RNF213: variants seen among roughly 807,000 people sequenced by gnomAD.
RNF213 encodes ring finger protein 213, also known as E3 ubiquitin-protein ligase RNF213.
A neutral mutation model predicts 514.4 loss-of-function variants in RNF213; 341 were observed. The observed-to-expected ratio is 0.66, with a 90% CI of 0.61 to 0.73. RNF213 has a LOEUF of 0.73. Among genes scored for constraint, RNF213 ranks in the 30% least tolerant of loss-of-function variants. The pLI is 0.00. For synonymous variants in RNF213, 2,655 were observed against 2,658.2 expected, an observed-to-expected ratio of 1.00 and a Z score of 0.04; for missense variants, 5,767 against 6,615.6, an observed-to-expected ratio of 0.87 and a Z score of 4.45.
At chr17:80,271,084 C>T (rs2043805304) in intron 2 of RNF213, among the ~76,000 whole-genome samples, 1 of 151,794 alleles carries the variant, frequency 6.6e-6, no homozygotes. Flanking sequence ...TTAGGCTAGT[C>T]AGGGCCCGCC....
In RNF213 at chr17:80,264,114, C is replaced by T. The variant is rs1357680915; in HGVS notation, c.97+336C>T. Among the ~76,000 whole-genome samples, 3 of 152,140 alleles carry T rather than the reference C, an allele frequency of 2.0e-5. No individual in the cohort carries two copies. Among genetic ancestry groups the T allele is most frequent in the Admixed American group, 6.6e-5 (1 of 15,262 alleles). ...GAGAGGACAAAACAAGAAGTTTTGT[C>T]GGGGTCTTTGCTGGAGGTTCCTGCT... is the stretch of plus-strand genomic sequence containing the variant. On this transcript the variant is annotated intron_variant, in intron 2 of 67. Coordinates refer to ENST00000582970, the MANE Select transcript of RNF213 (RefSeq NM_001256071.3). This position sits in a 1 kb window ranked among gnomAD's most constrained non-coding sequence, Gnocchi z 5.0.
In RNF213 at chr17:80,317,087, G is replaced by A. The variant is rs371814872; in HGVS notation, c.2812-101G>A. 5.2e-4 allele frequency: 664 copies of A among 1,287,858 alleles called. 2 individuals are homozygous for A. The highest frequency in any genetic ancestry group is 7.0e-4 in the Non-Finnish European group (629 of 903,076). The allele number at this position is 1,287,858 out of a possible 1,614,324, so 79.8% of individuals were successfully genotyped here. ...AGCCCTGGTGTTCGCGGAGTCCCGC[G>A]CTCTCTGTATTGCCGTAATGCTCTG... On this transcript the variant is annotated intron_variant, in intron 15 of 67. Transcript: ENST00000582970. The surrounding 1 kb of genome is among the most constrained non-coding windows in gnomAD (Gnocchi z 4.1).
At chr17:80,262,629 C>T (rs534735479) in intron 1 of RNF213, among the ~76,000 whole-genome samples, 2 of 152,298 alleles carry the variant, frequency 1.3e-5, no homozygotes, top group East Asian at 3.9e-4. Context: ...TAGCCTTTTA[C>T]AAAAGGATAG....
chr17:80,263,752 G>A lies in RNF213; in HGVS notation c.71G>A (p.Arg24Lys). ...TPKFCSQCGE[R>K]LPPAAPIADS... ...AAGTTCTGCAGCCAGTGCGGAGAGAGGCTGCCTCCTGCAGCCCCCATAGCA... is the reference window on the plus strand; with the variant it reads ...AAGTTCTGCAGCCAGTGCGGAGAGAAGCTGCCTCCTGCAGCCCCCATAGCA... Residue 24 changes from arginine (R) to lysine (K), a missense_variant, in exon 2 of 68, where the codon AGG becomes AAG. Coordinates refer to ENST00000582970, the MANE Select transcript of RNF213 (RefSeq NM_001256071.3). The surrounding 1 kb of genome is among the most constrained non-coding windows in gnomAD (Gnocchi z 4.9). The A allele has an allele frequency of 6.2e-7, 1 of 1,614,136 alleles. No homozygotes were observed. The highest frequency in any genetic ancestry group is 8.5e-7 in the Non-Finnish European group (1 of 1,180,026).
chr17:80,367,121 A>G (rs1162963140), intron 42 of RNF213, among the ~76,000 whole-genome samples: 1 of 112,534 alleles, frequency 8.9e-6, no homozygotes, highest in African/African-American at 2.6e-5. Flanking sequence ...GACCTAAGGT[A>G]TCATGAAGAG....
Position 80,385,047 on chromosome 17 carries a change from G to A in RNF213, c.14331G>A (p.Glu4777=). The part of the protein sequence containing the change: ...ILWHFLQKEA[E]LRLVKFLPEI... ...GGTCTTCCCTTCTCCAGGAAGCAGA[G>A]CTGAGGCTGGTAAAGTTCCTGCCTG... The change falls in exon 60 of 68, where the codon GAG becomes GAA. Residue 4777 remains glutamate (E), a synonymous_variant. Coordinates refer to ENST00000582970, the MANE Select transcript of RNF213 (RefSeq NM_001256071.3). The A allele has an allele frequency of 6.2e-7, 1 of 1,614,218 alleles. No individual in the cohort carries two copies. The highest frequency in any genetic ancestry group is 8.5e-7 in the Non-Finnish European group (1 of 1,180,034).
In RNF213 at chr17:80,397,296, TTCC is replaced by T. The variant is rs1436771719; in HGVS notation, c.*3801_*3803del. On this transcript the variant is annotated 3_prime_UTR_variant, in exon 68 of 68. Transcript: ENST00000582970. ...TGGCTCGACCTCTCTAAGCTTCAGTTTCCTCGTCTGTGAAATATCTGTCAGTGC... is the reference window on the plus strand; with the variant it reads ...TGGCTCGACCTCTCTAAGCTTCAGTTTCGTCTGTGAAATATCTGTCAGTGC... 2.6e-5 allele frequency: 4 copies of T among 152,092 alleles called. No individual in the cohort carries two copies. Among genetic ancestry groups the T allele is most frequent in the African/African-American group, 4.8e-5 (2 of 41,412 alleles). The allele number at this position is 152,092 out of a possible 1,614,324, so 9.4% of individuals were successfully genotyped here.
chr17:80,375,019 G>GT (rs1481990856), intron 50 of RNF213: 3 of 200,208 alleles, frequency 1.5e-5, no homozygotes, highest in African/African-American at 6.9e-5. Context: ...AGTGTGGGAA[G>GT]TTAAAAAATA....
intron 7 of RNF213, among the ~76,000 whole-genome samples, chr17:80,291,100 C>T (rs2044710608): frequency 6.6e-6 from 1 of 152,218 alleles, no homozygotes; most frequent in Non-Finnish European, 1.5e-5. Flanking sequence ...GCATGAGCCA[C>T]TGCGCCCAGC....
Position 80,347,611 on chromosome 17 carries a change from C to T in RNF213, c.9276C>T (p.Ile3092=). The T allele has an allele frequency of 6.2e-7, 1 of 1,614,182 alleles. No homozygotes were observed. The highest frequency in any genetic ancestry group is 8.5e-7 in the Non-Finnish European group (1 of 1,180,042). ...QLCRNINRVK[I]CMETGKMVLL... ...GCAGAAACATCAATCGTGTGAAGAT[C>T]TGCATGGAAACAGGCAAGATGGTGT... The change falls in exon 29 of 68, where the codon ATC becomes ATT. Residue 3092 remains isoleucine, a synonymous_variant. Transcript: ENST00000582970. The surrounding 1 kb of genome is among the most constrained non-coding windows in gnomAD (Gnocchi z 7.2).
In RNF213 at chr17:80,264,594, C is replaced by T. The variant is rs926188835; in HGVS notation, c.97+816C>T. 1.6e-4 allele frequency among the ~76,000 whole-genome samples: 24 copies of T among 152,246 alleles called. No homozygotes were observed. Among genetic ancestry groups the T allele is most frequent in the Admixed American group, 1.3e-3 (20 of 15,274 alleles). Reference sequence around the variant, plus strand: ...ACCTCATTCTTCCAGCTGCTTCTATCGGACCCATCACCCCGGGGCCCTCTC... The same window carrying T: ...ACCTCATTCTTCCAGCTGCTTCTATTGGACCCATCACCCCGGGGCCCTCTC... On this transcript the variant is annotated intron_variant, in intron 2 of 67. Transcript: ENST00000582970. This position sits in a 1 kb window ranked among gnomAD's most constrained non-coding sequence, Gnocchi z 5.0.
At chr17:80,381,776 G>C in intron 57 of RNF213, 49 bp downstream of exon 57, 1 of 1,554,650 alleles carries the variant, frequency 6.4e-7, no homozygotes, top group Non-Finnish European at 8.7e-7. Flanking sequence ...CACAACGGCA[G>C]CGCAAGCAGG....
At position 80,328,399 on chromosome 17, in the gene RNF213, C is replaced by T. The variant is rs779495624; in HGVS notation, c.3439C>T (p.Leu1147=). 3 of 1,536,974 alleles carry T rather than the reference C, an allele frequency of 2.0e-6. No individual in the cohort carries two copies. Among genetic ancestry groups the T allele is most frequent in the Admixed American group, 2.0e-5 (1 of 50,980 alleles). ...AGCACTGGATTGGAGAAGGGAGGAA[C>T]TGTTACTTCTAAAGAAAGAGAAAAG... ...EEALDWRREE[L]LLLKKEKRCV... is the part of the protein sequence containing the mutation. Residue 1147 remains leucine, a synonymous_variant, in exon 20 of 68, where the codon CTG becomes TTG. Transcript: ENST00000582970.
chr17:80,301,949 C>T (rs2045193986), intron 11 of RNF213, among the ~76,000 whole-genome samples: 1 of 152,146 alleles, frequency 6.6e-6, no homozygotes, highest in Non-Finnish European at 1.5e-5. Context: ...ACTATTTGGC[C>T]ACCAAAAAGA....
Position 80,354,545 on chromosome 17 carries a change from C to T in RNF213, c.10831C>T (p.Gln3611Ter), listed in dbSNP as rs573434402. 1 of 1,614,196 alleles carries T rather than the reference C, an allele frequency of 6.2e-7. No individual in the cohort carries two copies. Among genetic ancestry groups the T allele is most frequent in the East Asian group, 2.2e-5 (1 of 44,876 alleles). Residue 3611 changes from glutamine (Q) to a stop codon, truncating the protein, a stop_gained, in exon 36 of 68, where the codon CAG (glutamine) becomes TAG (stop). Transcript: ENST00000582970. LOFTEE classifies it high-confidence loss of function. ...LEWLAREACN[Q>*]DALQEAGTFR... Reference sequence around the variant, plus strand: ...GTGGTTGGCAAGGGAAGCCTGCAACCAGGACGCTCTCCAGGAGGCGGGCAC... The same window carrying T: ...GTGGTTGGCAAGGGAAGCCTGCAACTAGGACGCTCTCCAGGAGGCGGGCAC...
At position 80,363,101 on chromosome 17, in the gene RNF213, G is replaced by C. The variant is rs1288063402; in HGVS notation, c.11356-1G>C. 6.2e-7 allele frequency: 1 copy of C among 1,613,770 alleles called. No homozygotes were observed. ...ATTCTAAAAGCTTTTTTGAATCCCA[G>C]TTTCTGCAGATGGCTCTGTGGTCCT... On this transcript the variant is annotated splice_acceptor_variant, in intron 39 of 67. Transcript: ENST00000582970. LOFTEE classifies it high-confidence loss of function.
Position 80,380,883 on chromosome 17 carries a change from A to C in RNF213, c.13693A>C (p.Arg4565=). 6.2e-7 allele frequency: 1 copy of C among 1,614,178 alleles called. No homozygotes were observed. Among genetic ancestry groups the C allele is most frequent in the South Asian group, 1.1e-5 (1 of 91,086 alleles). ...CCACGTGCTGGGCAACCCGCAGCGG[A>C]GAGACGTGGTGACATGTGACCGAGG... The part of the protein sequence containing the change: ...TGHVLGNPQR[R]DVVTCDRGLP... Residue 4565 remains arginine, a synonymous_variant, in exon 56 of 68, where the codon AGA becomes CGA. Transcript: ENST00000582970.
chr17:80,332,481 C>G lies in RNF213; in HGVS notation c.3993C>G (p.Asp1331Glu). Reference sequence around the variant, plus strand: ...TCATGTGCACCGTGGACCACCAGGACCAAAGAGATTGGATCAAGGACCGAG... The same window carrying G: ...TCATGTGCACCGTGGACCACCAGGAGCAAAGAGATTGGATCAAGGACCGAG... Reference protein sequence around the residue: ...LKIMCTVDHQDQRDWIKDRVE... With the variant: ...LKIMCTVDHQEQRDWIKDRVE... The change falls in exon 21 of 68, where the codon GAC becomes GAG. Residue 1331 changes from aspartate (D) to glutamate (E), a missense_variant. By Grantham distance (45) the Asp-to-Glu change is conservative. Transcript: ENST00000582970. 1.3e-6 allele frequency: 2 copies of G among 1,537,052 alleles called. No homozygotes were observed. Among genetic ancestry groups the G allele is most frequent in the Non-Finnish European group, 1.7e-6 (2 of 1,146,808 alleles).
intron 36 of RNF213, among the ~76,000 whole-genome samples, chr17:80,356,663 G>A (rs1205303690): frequency 6.6e-6 from 1 of 152,202 alleles, no homozygotes; most frequent in Non-Finnish European, 1.5e-5. Flanking sequence ...CAGATAGGGC[G>A]GAACCAGGCT....
Sources: gnomAD v4.1 joint callset for allele counts (sites outside exome capture counted in the v4.1 genomes callset) on GRCh38, gnomAD v4.1.1 for gene constraint, Gnocchi (gnomAD v3.1) non-coding constraint, MANE v1.5 for transcripts, NCBI Gene and HGNC (gene_info 2026-07-23, HGNC 2026-07-21) for gene names.